Variants in APPL2 observed in about 807,000 individuals in gnomAD.
The protein encoded by APPL2 is DCC-interacting protein 13-beta.
In APPL2, 84 loss-of-function variants were observed where a neutral mutation model predicts 92.7. The ratio of observed to expected loss-of-function variants is 0.91; its 90% CI spans 0.76 to 1.09. The LOEUF (loss-of-function observed/expected upper bound fraction) is 1.09, where lower values mean the gene tolerates loss of function less well. APPL2 is among the 50% of genes least tolerant of loss of function. The pLI, the probability that APPL2 is intolerant of heterozygous loss-of-function variation, is 0.00. For missense variants in APPL2, 736 were observed against 824.5 expected (o/e 0.89, Z 1.31); for synonymous variants, 291 against 291.0 (o/e 1.00, Z 0.00).
intron 11 of APPL2, among the ~76,000 whole-genome samples, chr12:105,196,157 G>C (rs966175016): frequency 2.0e-5 from 3 of 151,934 alleles, no homozygotes; most frequent in African/African-American, 7.2e-5. Context: ...CCGTTTCCCT[G>C]GGCCTCAGCA....
At chr12:105,212,831 T>C (rs1187002625) in intron 4 of APPL2, among the ~76,000 whole-genome samples, 1 of 152,206 alleles carries the variant, frequency 6.6e-6, no homozygotes, top group Non-Finnish European at 1.5e-5. Context: ...AGGCCACTCT[T>C]ACAAGCTTAA....
In APPL2 at chr12:105,207,156, G is replaced by A; in HGVS notation, c.526C>T (p.Leu176Phe). The change falls in exon 8 of 21, where the codon CTC becomes TTC. Residue 176 changes from leucine to phenylalanine, a missense_variant. Leu to Phe is a conservative substitution (Grantham distance 22). Transcript: ENST00000258530. ...EVAAARRKQH[L>F]SSLQYYCALN... Reference sequence around the variant, plus strand: ...GCACAGTAGTACTGAAGGGAGGAGAGGTGCTGCTTCCGCCGGGCCGCGGCC... The same window carrying A: ...GCACAGTAGTACTGAAGGGAGGAGAAGTGCTGCTTCCGCCGGGCCGCGGCC... The A allele has an allele frequency of 6.2e-7, 1 of 1,614,110 alleles. No individual in the cohort carries two copies. The highest frequency in any genetic ancestry group is 8.5e-7 in the Non-Finnish European group (1 of 1,180,022).
rs1194662329 is a variant in APPL2 at position 105,188,486 on chromosome 12, TC to T, written c.1460-40del. 1.2e-5 allele frequency: 20 copies of T among 1,606,146 alleles called. No individual in the cohort carries two copies. The African/African-American group carries it at 2.4e-4, about 19-fold the overall frequency. ...TTTTCCACTCAGGATCTCATTTACT[TC>T]CTGCTGCTGTTGATCTGCATACCAG... On this transcript the variant is annotated intron_variant, in intron 16 of 20. Transcript: ENST00000258530.
chr12:105,191,990 T>G (rs1887241297), intron 14 of APPL2, among the ~76,000 whole-genome samples: 1 of 152,064 alleles, frequency 6.6e-6, no homozygotes, highest in Non-Finnish European at 1.5e-5. Flanking sequence ...AGACCAGACG[T>G]TTTCTTTGCA....
chr12:105,222,916 A>G (rs12815031), intron 2 of APPL2, among the ~76,000 whole-genome samples: 29,802 of 152,166 alleles, frequency 0.2, 3,115 homozygotes, highest in East Asian at 0.34. Flanking sequence ...AGGCCAGGAA[A>G]GACATCTGCC....
intron 20 of APPL2, among the ~76,000 whole-genome samples, chr12:105,174,699 G>A (rs1014905570): frequency 2.0e-5 from 3 of 152,154 alleles, no homozygotes; most frequent in African/African-American, 7.2e-5. Flanking sequence ...ATTCCACAGA[G>A]GAACTTCCTT....
At chr12:105,208,128 C>G (rs986396734) in intron 6 of APPL2, 30 bp downstream of exon 6, 45 of 1,613,916 alleles carry the variant, frequency 2.8e-5, no homozygotes, top group Non-Finnish European at 3.4e-5. Flanking sequence ...GCCCACACAC[C>G]CACACACCAG....
chr12:105,212,179 C>T (rs374973737), intron 4 of APPL2, among the ~76,000 whole-genome samples: 2 of 150,700 alleles, frequency 1.3e-5, no homozygotes, highest in South Asian at 4.2e-4. Context: ...GATTTCAGAC[C>T]TTTAGTCTAG....
intron 1 of APPL2, chr12:105,235,168 C>G (rs1891156251): frequency 6.6e-6 from 1 of 152,058 alleles, no homozygotes; most frequent in Non-Finnish European, 1.5e-5. Flanking sequence ...AGTGTAGGTA[C>G]GAAGCTGGAG....
At position 105,197,764 on chromosome 12, in the gene APPL2, C is replaced by T. The variant is rs781079481; in HGVS notation, c.1052+1G>A. On this transcript the variant is annotated splice_donor_variant, in intron 11 of 20. Coordinates refer to ENST00000258530, the MANE Select transcript of APPL2 (RefSeq NM_018171.5). LOFTEE classifies it high-confidence loss of function. ...TCCCAAATAAAACGCGTGAAACATA[C>T]GATTTTCCATTGGGCGTGGTGATCT... is the stretch of plus-strand genomic sequence containing the variant. 3.4e-5 allele frequency: 55 copies of T among 1,614,048 alleles called. No homozygotes were observed. The highest frequency in any genetic ancestry group is 1.6e-4 in the Middle Eastern group (1 of 6,080).
intron 2 of APPL2, among the ~76,000 whole-genome samples, chr12:105,222,146 A>C (rs1162359037): frequency 6.6e-6 from 1 of 152,196 alleles, no homozygotes; most frequent in Non-Finnish European, 1.5e-5. Context: ...GTGTGGCAAG[A>C]ACGCGGCTGG....
chr12:105,197,231 G>T (rs568696890), intron 11 of APPL2, among the ~76,000 whole-genome samples: 1 of 152,278 alleles, frequency 6.6e-6, no homozygotes, highest in South Asian at 2.1e-4. Flanking sequence ...ACAGCCTGCG[G>T]ATTGGTAAAG....
intron 19 of APPL2, 165 bp from the exon 20 acceptor site, chr12:105,176,247 G>T: frequency 1.6e-6 from 1 of 606,348 alleles, no homozygotes; most frequent in Non-Finnish European, 2.8e-6. Flanking sequence ...GGGCATTTGC[G>T]TCCAACTGTC....
rs1420944651 is a variant in APPL2 at position 105,176,917 on chromosome 12, G to C, written c.1771C>G (p.Leu591Val). 6.2e-7 allele frequency: 1 copy of C among 1,614,102 alleles called. No individual in the cohort carries two copies. Among genetic ancestry groups the C allele is most frequent in the African/African-American group, 1.3e-5 (1 of 75,028 alleles). Residue 591 changes from leucine to valine, a missense_variant, in exon 19 of 21, where the codon CTG becomes GTG. Transcript: ENST00000258530. ...TTGCTTTCAAAAATGTATGTACTCAGAGATTCTTCTCCAGTGGATTCAGGA... is the reference window on the plus strand; with the variant it reads ...TTGCTTTCAAAAATGTATGTACTCACAGATTCTTCTCCAGTGGATTCAGGA... ...RVPESTGEESLSTYIFESNSE... is the reference protein window; with the variant it reads ...RVPESTGEESVSTYIFESNSE...
intron 2 of APPL2, among the ~76,000 whole-genome samples, chr12:105,218,950 G>A (rs1358463686): frequency 6.6e-6 from 1 of 152,224 alleles, no homozygotes; most frequent in Non-Finnish European, 1.5e-5. Flanking sequence ...CTACACAGCG[G>A]TTTTCTACCA....
chr12:105,204,990 T>C (rs144545208), intron 8 of APPL2, among the ~76,000 whole-genome samples: 384 of 152,310 alleles, frequency 2.5e-3, no homozygotes, highest in Non-Finnish European at 4.0e-3. Flanking sequence ...CTTCAAGGGC[T>C]GGAGAAGGCA....
At chr12:105,199,243 G>A in intron 10 of APPL2, 130 bp downstream of exon 10, 1 of 1,102,092 alleles carries the variant, frequency 9.1e-7, no homozygotes, top group South Asian at 1.6e-5. Context: ...GAGGGCTGCT[G>A]TGATGGGAGT....
chr12:105,205,751 G>A (rs1444769231), intron 8 of APPL2, among the ~76,000 whole-genome samples: 2 of 152,204 alleles, frequency 1.3e-5, no homozygotes, highest in Non-Finnish European at 2.9e-5. Context: ...GAGAGCCCCG[G>A]CATTCTCTAA....
intron 10 of APPL2, 121 bp downstream of exon 10, chr12:105,199,252 G>T: frequency 8.2e-7 from 1 of 1,214,534 alleles, no homozygotes; most frequent in Non-Finnish European, 1.1e-6. Context: ...TGTGATGGGA[G>T]TTCTTCCCAG....
Sources: allele counts gnomAD v4.1 joint callset (sites outside exome capture counted in the v4.1 genomes callset), GRCh38; gene constraint gnomAD v4.1.1; transcripts MANE v1.5; gene names NCBI Gene and HGNC (gene_info 2026-07-23, HGNC 2026-07-21).